The following MYO18A variants were observed in gnomAD, a reference collection of about 807,000 sequenced individuals.
MYO18A encodes the protein unconventional myosin-XVIIIa.
In MYO18A, 78 loss-of-function variants were observed where a neutral mutation model predicts 235.8. The ratio of observed to expected loss-of-function variants is 0.33; its 90% CI spans 0.28 to 0.40. MYO18A has a LOEUF of 0.40. Ranked by LOEUF, MYO18A falls within the 10% of genes least tolerant of loss-of-function variation. MYO18A has a pLI of 1.00. For missense variants in MYO18A, 2,215 were observed against 2,699.3 expected, an observed-to-expected ratio of 0.82 and a Z score of 3.98; for synonymous variants, 977 against 1,077.8, an observed-to-expected ratio of 0.91 and a Z score of 1.83.
chr17:29,176,882 TG>T (rs1378339212), intron 1 of MYO18A: 1 of 151,654 alleles, frequency 6.6e-6, no homozygotes, highest in African/African-American at 2.4e-5. Context: ...TCCCCGCGGC[TG>T]GGCCGGCGCA....
Position 29,140,520 on chromosome 17 carries a change from G to T in MYO18A, c.1000-18267C>A. ...GAGCCAGCAGCCCGGAGGACTTCGG[G>T]TATCAGGTATGCCAGGAGGGAGAGG... On this transcript the variant is annotated intron_variant, in intron 2 of 41. Coordinates refer to ENST00000527372, the MANE Select transcript of MYO18A (RefSeq NM_078471.4). This position sits in a 1 kb window ranked among gnomAD's most constrained non-coding sequence, Gnocchi z 4.2. 1 of 786,986 alleles carries T rather than the reference G, an allele frequency of 1.3e-6. No individual in the cohort carries two copies. The highest frequency in any genetic ancestry group is 1.7e-6 in the Non-Finnish European group (1 of 587,614). The allele number at this position is 786,986 out of a possible 1,614,324, so 48.8% of individuals were successfully genotyped here.
chr17:29,133,974 G>A (rs1044228908), intron 2 of MYO18A: 3 of 632,530 alleles, frequency 4.7e-6, no homozygotes, highest in Admixed American at 6.9e-5. Flanking sequence ...GGATGGAGTG[G>A]AGGAGGAAGG....
chr17:29,154,093 T>C (rs1164778407), intron 2 of MYO18A, among the ~76,000 whole-genome samples: 1 of 151,696 alleles, frequency 6.6e-6, no homozygotes. Context: ...CCACTCTAAA[T>C]TCTGCAGAGT....
Position 29,114,378 on chromosome 17 carries a change from T to A in MYO18A, c.2512-281A>T. On this transcript the variant is annotated intron_variant, in intron 14 of 41. Coordinates refer to ENST00000527372, the MANE Select transcript of MYO18A (RefSeq NM_078471.4). ...ACACAGAACAAGCCCACTCTCAATTTCACACAATCATCCTTGAAACACTTG... is the reference window on the plus strand; with the variant it reads ...ACACAGAACAAGCCCACTCTCAATTACACACAATCATCCTTGAAACACTTG... 1.5e-5 allele frequency: 6 copies of A among 397,006 alleles called. No individual in the cohort carries two copies. The South Asian group carries it at 2.1e-4, about 14-fold the overall frequency. The allele number at this position is 397,006 out of a possible 1,614,324, so 24.6% of individuals were successfully genotyped here.
intron 15 of MYO18A, 96 bp downstream of exon 15, chr17:29,113,914 AC>A (rs1221592882): frequency 5.1e-5 from 49 of 963,708 alleles, no homozygotes; most frequent in Non-Finnish European, 6.7e-5. Context: ...CCACAGTGGC[AC>A]CCCCAGCAGC....
intron 41 of MYO18A, among the ~76,000 whole-genome samples, chr17:29,082,052 G>A (rs954504062): frequency 1.3e-5 from 2 of 152,226 alleles, no homozygotes; most frequent in Admixed American, 1.3e-4. Flanking sequence ...TTTGTTGAAT[G>A]AATAAGTGGA....
chr17:29,152,596 TC>T (rs1202157246), intron 2 of MYO18A, among the ~76,000 whole-genome samples: 2 of 152,058 alleles, frequency 1.3e-5, no homozygotes, highest in Non-Finnish European at 2.9e-5. Flanking sequence ...TCTCCAACAC[TC>T]CCCGTGAGCA....
chr17:29,156,814 T>C lies in MYO18A; in HGVS notation c.999+9128A>G, dbSNP rs202045688. On this transcript the variant is annotated intron_variant, in intron 2 of 41. Transcript: ENST00000527372. ...GATCAGGGACAAGTGATATTCAAAC[T>C]GAAGCCAATGTGTAGAAGTGTACAA... Among the ~76,000 whole-genome samples the C allele has an allele frequency of 1.7e-4, 26 of 152,246 alleles. No homozygotes were observed. In the East Asian group the frequency reaches 3.7e-3, roughly 22 times the overall value.
intron 21 of MYO18A, among the ~76,000 whole-genome samples, chr17:29,101,543 G>A (rs1021088152): frequency 1.3e-5 from 2 of 152,180 alleles, no homozygotes; most frequent in Non-Finnish European, 2.9e-5. Context: ...CTGGGCTCAG[G>A]CAATCTGCCC....
At chr17:29,133,668 C>T in intron 2 of MYO18A, 1 of 587,922 alleles carries the variant, frequency 1.7e-6, no homozygotes, top group Non-Finnish European at 2.7e-6. Flanking sequence ...CTGCCACCCC[C>T]AATTATACAC....
chr17:29,080,421 G>T (rs866941418), intron 41 of MYO18A: 11 of 985,968 alleles, frequency 1.1e-5, no homozygotes, highest in African/African-American at 7.0e-5. Context: ...AGCAGGCCTC[G>T]CTCAGGGCCA....
chr17:29,174,409 A>G (rs1013524292), intron 1 of MYO18A, among the ~76,000 whole-genome samples: 3 of 152,170 alleles, frequency 2.0e-5, no homozygotes, highest in Admixed American at 2.0e-4. Flanking sequence ...TGGGAGGCTG[A>G]GGTGGGAGGA....
At position 29,128,604 on chromosome 17, in the gene MYO18A, T is replaced by C. The variant is rs866478869; in HGVS notation, c.1000-6351A>G. 103 of 1,153,162 alleles carry C rather than the reference T, an allele frequency of 8.9e-5. 1 individual carries two copies. In the African/African-American group the frequency reaches 1.5e-3, roughly 17 times the overall value. 71.4% of individuals were successfully genotyped at this position (1,153,162 alleles called of 1,614,324 possible). On this transcript the variant is annotated intron_variant, in intron 2 of 41. Coordinates refer to ENST00000527372, the MANE Select transcript of MYO18A (RefSeq NM_078471.4). ...CACCCCTGCAGCCCTGCCCATCCCATGCAGAGGGAATAAGAAGGTGTGACC... is the reference window on the plus strand; with the variant it reads ...CACCCCTGCAGCCCTGCCCATCCCACGCAGAGGGAATAAGAAGGTGTGACC...
chr17:29,097,378 A>T, intron 26 of MYO18A, 28 bp from the exon 27 acceptor site: 1 of 1,603,534 alleles, frequency 6.2e-7, no homozygotes, highest in Non-Finnish European at 8.5e-7. Flanking sequence ...ACAAGGGAGG[A>T]TGGAGGTGCT....
intron 28 of MYO18A, 102 bp downstream of exon 28, chr17:29,096,659 A>C: frequency 7.3e-7 from 1 of 1,377,622 alleles, no homozygotes; most frequent in Non-Finnish European, 9.5e-7. Flanking sequence ...CCCCTGGACA[A>C]ATTCAGGTCC....
intron 37 of MYO18A, 75 bp downstream of exon 37, chr17:29,089,886 T>TG: frequency 1.9e-6 from 3 of 1,584,260 alleles, no homozygotes. Flanking sequence ...TGTCCAGCCC[T>TG]GCTGAGCATG....
Position 29,121,444 on chromosome 17 carries a change from T to A in MYO18A, c.1371+103A>T. ...TGACTCCTCTTCCCAAGGTCAACTG[T>A]GAGAGTGGACAGGAGCCCAGTGGGG... On this transcript the variant is annotated intron_variant, in intron 5 of 41. Coordinates refer to ENST00000527372, the MANE Select transcript of MYO18A (RefSeq NM_078471.4). The surrounding 1 kb of genome is among the most constrained non-coding windows in gnomAD (Gnocchi z 4.2). 7.8e-7 allele frequency: 1 copy of A among 1,288,220 alleles called. No individual in the cohort carries two copies. Among genetic ancestry groups the A allele is most frequent in the Non-Finnish European group, 1.1e-6 (1 of 945,180 alleles). 79.8% of individuals were successfully genotyped at this position (1,288,220 alleles called of 1,614,324 possible).
chr17:29,080,683 G>A (rs2066098525), intron 41 of MYO18A: 7 of 985,568 alleles, frequency 7.1e-6, no homozygotes, highest in South Asian at 9.4e-5. Context: ...TGCAGAGACG[G>A]TGGAGGCCGG....
rs1183617484 is a variant in MYO18A, at chr17:29,140,069, G to T, written c.1000-17816C>A. ...TGCAACCCCAGGAAACTGAGGTTCA[G>T]AAGACAGTGCCCCTCCAAAACTCCT... On this transcript the variant is annotated intron_variant, in intron 2 of 41. Coordinates refer to ENST00000527372, the MANE Select transcript of MYO18A (RefSeq NM_078471.4). This position sits in a 1 kb window ranked among gnomAD's most constrained non-coding sequence, Gnocchi z 4.2. Among the ~76,000 whole-genome samples the T allele has an allele frequency of 6.6e-6, 1 of 152,194 alleles. No homozygotes were observed. Among genetic ancestry groups the T allele is most frequent in the Non-Finnish European group, 1.5e-5 (1 of 68,034 alleles).
Sources: gnomAD v4.1 joint callset for allele counts (sites outside exome capture counted in the v4.1 genomes callset) on GRCh38, gnomAD v4.1.1 for gene constraint, Gnocchi (gnomAD v3.1) non-coding constraint, MANE v1.5 for transcripts, NCBI Gene and HGNC (gene_info 2026-07-23, HGNC 2026-07-21) for gene names.